Variants in SLC4A4 observed in about 807,000 individuals in gnomAD.
SLC4A4 encodes the protein solute carrier family 4 member 4, also known as electrogenic sodium bicarbonate cotransporter 1.
Under a neutral mutation model 111.5 loss-of-function variants are expected in SLC4A4, and 27 were observed. The observed-to-expected ratio is 0.24, with a 90% CI of 0.18 to 0.33. The LOEUF is 0.33. Ranked by LOEUF, SLC4A4 falls within the 10% of genes least tolerant of loss-of-function variation. SLC4A4 has a pLI of 1.00. For synonymous variants in SLC4A4, 443 were observed against 463.4 expected, an observed-to-expected ratio of 0.96 and a Z score of 0.57; for missense variants, 909 against 1,315.5, an observed-to-expected ratio of 0.69 and a Z score of 4.78.
chr4:71,317,758 T>C (rs1327284008), intron 3 of SLC4A4, among the ~76,000 whole-genome samples: 2 of 152,004 alleles, frequency 1.3e-5, no homozygotes. Flanking sequence ...ACGGACTTTA[T>C]GGTCAGACAA....
intron 2 of SLC4A4, among the ~76,000 whole-genome samples, chr4:71,181,747 T>C (rs1005253769): frequency 2.0e-5 from 3 of 152,236 alleles, no homozygotes; most frequent in African/African-American, 7.2e-5. Flanking sequence ...TTCATATTTA[T>C]GTCTTGTTGA....
chr4:71,192,254 C>T (rs1473027252), intron 1 of SLC4A4, among the ~76,000 whole-genome samples: 1 of 152,078 alleles, frequency 6.6e-6, no homozygotes, highest in Non-Finnish European at 1.5e-5. Flanking sequence ...CTAGTAACAA[C>T]TTCATCTATT....
At chr4:71,269,761 A>G (rs1578719479) in intron 3 of SLC4A4, among the ~76,000 whole-genome samples, 2 of 152,330 alleles carry the variant, frequency 1.3e-5, no homozygotes, top group East Asian at 3.9e-4. Context: ...ACAAATGAAG[A>G]AAGCAAAATT....
chr4:71,064,764 T>A (rs955358745), intron 1 of SLC4A4, among the ~76,000 whole-genome samples: 2 of 152,108 alleles, frequency 1.3e-5, no homozygotes, highest in African/African-American at 4.8e-5. Flanking sequence ...ATTTCAGCAG[T>A]GGAGTGGAAT....
intron 18 of SLC4A4, among the ~76,000 whole-genome samples, chr4:71,541,956 T>C (rs1420634522): frequency 6.6e-6 from 1 of 152,146 alleles, no homozygotes; most frequent in African/African-American, 2.4e-5. Context: ...TTTATTCCAT[T>C]CAAATCTAGT....
upstream of SLC4A4, among the ~76,000 whole-genome samples, chr4:71,182,674 T>C (rs910856987): frequency 6.6e-6 from 1 of 151,980 alleles, no homozygotes; most frequent in Non-Finnish European, 1.5e-5. Flanking sequence ...CACCTTTCTG[T>C]GTCTGGGAAG....
chr4:71,481,970 T>C (rs1215644414), intron 14 of SLC4A4, among the ~76,000 whole-genome samples: 3 of 151,602 alleles, frequency 2.0e-5, no homozygotes, highest in African/African-American at 7.3e-5. Flanking sequence ...GCTGAGTAAA[T>C]GGGAGAGACA....
intron 4 of SLC4A4, among the ~76,000 whole-genome samples, chr4:71,341,319 C>T (rs1214317792): frequency 6.6e-6 from 1 of 151,992 alleles, no homozygotes; most frequent in Non-Finnish European, 1.5e-5. Flanking sequence ...AATCATTATC[C>T]CAGCTTTGAG....
chr4:71,318,449 A>C (rs1460796256), intron 3 of SLC4A4, among the ~76,000 whole-genome samples: 2 of 152,050 alleles, frequency 1.3e-5, no homozygotes, highest in Non-Finnish European at 2.9e-5. Context: ...GGACATAAAC[A>C]TCTATATGAC....
Position 71,231,715 on chromosome 4 carries a change from GC to G in SLC4A4, c.-1-4860del, listed in dbSNP as rs199801454. On this transcript the variant is annotated intron_variant, in intron 1 of 25. Transcript: ENST00000264485. ...GCTGGTGATGTGAGCAACCCAGGGA[GC>G]TTTTTAGAAACATGTTCTTCCCTTT... 2.0e-4 allele frequency among the ~76,000 whole-genome samples: 31 copies of G among 152,276 alleles called. No individual in the cohort carries two copies. In the East Asian group the frequency reaches 6.0e-3, roughly 29 times the overall value.
At chr4:71,439,025 A>G (rs932215433) in intron 7 of SLC4A4, among the ~76,000 whole-genome samples, 7 of 152,050 alleles carry the variant, frequency 4.6e-5, no homozygotes, top group Admixed American at 1.3e-4. Context: ...AAAGAAAGAA[A>G]TCTATTTTAT....
chr4:71,156,217 ACCCTGTATTGCT>A (rs1223715293), intron 2 of SLC4A4, among the ~76,000 whole-genome samples: 1 of 152,126 alleles, frequency 6.6e-6, no homozygotes, highest in Non-Finnish European at 1.5e-5. Flanking sequence ...GTTTCCATAT[ACCCTGTATTGCT>A]CATGCATTGG....
At chr4:71,453,849 T>C (rs1237134632) in intron 12 of SLC4A4, among the ~76,000 whole-genome samples, 180 bp downstream of exon 12, 1 of 152,112 alleles carries the variant, frequency 6.6e-6, no homozygotes, top group African/African-American at 2.4e-5. Context: ...TTAGTAATTA[T>C]AAAAATAGCT....
intron 20 of SLC4A4, 50 bp downstream of exon 20, chr4:71,547,770 A>C (rs1430331154): frequency 7.0e-7 from 1 of 1,438,566 alleles, no homozygotes; most frequent in Admixed American, 1.7e-5. Context: ...CTGACATATA[A>C]TTGGACATGT....
chr4:71,092,873 G>A (rs1445302468), intron 2 of SLC4A4, among the ~76,000 whole-genome samples: 1 of 152,144 alleles, frequency 6.6e-6, no homozygotes, highest in Non-Finnish European at 1.5e-5. Context: ...GAGGCTGGCA[G>A]ATCACAAGGT....
At chr4:71,441,861 G>A (rs1203757317) in intron 8 of SLC4A4, among the ~76,000 whole-genome samples, 1 of 152,160 alleles carries the variant, frequency 6.6e-6, no homozygotes, top group East Asian at 1.9e-4. Context: ...AAATAGCAGT[G>A]GAAAAGAGAT....
At chr4:71,091,211 G>A (rs1401141322) in intron 1 of SLC4A4, among the ~76,000 whole-genome samples, 1 of 151,808 alleles carries the variant, frequency 6.6e-6, no homozygotes, top group East Asian at 1.9e-4. Flanking sequence ...GCCTTTCAAA[G>A]CATTGGGTTT....
chr4:71,320,405 T>C (rs1727029138), intron 3 of SLC4A4, among the ~76,000 whole-genome samples: 1 of 151,994 alleles, frequency 6.6e-6, no homozygotes, highest in African/African-American at 2.4e-5. Flanking sequence ...GGATTTTGGC[T>C]TATCTCGTTC....
At chr4:71,093,884 C>A (rs1052404897) in intron 2 of SLC4A4, among the ~76,000 whole-genome samples, 1 of 151,950 alleles carries the variant, frequency 6.6e-6, no homozygotes, top group Non-Finnish European at 1.5e-5. Flanking sequence ...AATGAGACAC[C>A]ATTTGGGATT....
Sources: allele counts gnomAD v4.1 joint callset (sites outside exome capture counted in the v4.1 genomes callset), GRCh38; gene constraint gnomAD v4.1.1; transcripts MANE v1.5; gene names NCBI Gene and HGNC (gene_info 2026-07-23, HGNC 2026-07-21).